The following SLIT3 variants were observed in gnomAD, a reference collection of about 807,000 sequenced individuals.
SLIT3 encodes the protein slit guidance ligand 3.
A neutral mutation model predicts 184.0 loss-of-function variants in SLIT3; 68 were observed. The observed-to-expected ratio is 0.37, with a 90% confidence interval of 0.30 to 0.45. The LOEUF (loss-of-function observed/expected upper bound fraction) is 0.45, where lower values mean the gene tolerates loss of function less well. Among genes scored for constraint, SLIT3 ranks in the 20% least tolerant of loss-of-function variants. The probability of loss-of-function intolerance (pLI) is 1.00; values close to 1 mark genes in which losing one functional copy is unlikely to be tolerated. For synonymous variants in SLIT3, 831 were observed against 828.6 expected (o/e 1.00, Z -0.05); for missense variants, 1,707 against 2,026.0 (o/e 0.84, Z 3.02).
intron 5 of SLIT3, among the ~76,000 whole-genome samples, chr5:168,850,956 C>T (rs1438048535): frequency 1.3e-5 from 2 of 152,180 alleles, no homozygotes; most frequent in East Asian, 3.8e-4. Flanking sequence ...TACATACTTT[C>T]CTGTATATTG....
intron 6 of SLIT3, among the ~76,000 whole-genome samples, chr5:168,827,388 C>G (rs1169065300): frequency 1.3e-5 from 2 of 152,236 alleles, no homozygotes; most frequent in African/African-American, 2.4e-5. Context: ...CGGCTCATGG[C>G]TGCTTCATTG....
chr5:169,150,610 C>T (rs567533812), intron 4 of SLIT3, among the ~76,000 whole-genome samples: 11 of 152,132 alleles, frequency 7.2e-5, no homozygotes, highest in Admixed American at 2.0e-4. Context: ...CTGTTTTAAT[C>T]GCCCTGGCCC....
chr5:169,172,801 G>T (rs763147556), intron 4 of SLIT3, among the ~76,000 whole-genome samples: 2 of 152,028 alleles, frequency 1.3e-5, no homozygotes, highest in African/African-American at 2.4e-5. Context: ...ACAATTCCCC[G>T]CTCACAAGTA....
At chr5:169,193,968 T>TCA (rs1763655522) in intron 3 of SLIT3, among the ~76,000 whole-genome samples, 3 of 152,068 alleles carry the variant, frequency 2.0e-5, no homozygotes, top group Non-Finnish European at 4.4e-5. Flanking sequence ...GCACGGTGGC[T>TCA]TACGCCTGTA....
rs150820663 is a variant in SLIT3, at chr5:169,157,561, C to A, written c.413+35918G>T. On this transcript the variant is annotated intron_variant, in intron 4 of 35. Coordinates refer to ENST00000519560, the MANE Select transcript of SLIT3 (RefSeq NM_003062.4). Reference sequence around the variant, plus strand: ...CCATAACAATGCAATGCCTCCCCTTCCCATGTCAGAGCAGTATCAAAAGCC... The same window carrying A: ...CCATAACAATGCAATGCCTCCCCTTACCATGTCAGAGCAGTATCAAAAGCC... Among the ~76,000 whole-genome samples, 37 of 152,292 alleles carry A rather than the reference C, an allele frequency of 2.4e-4. No individual in the cohort carries two copies. In the East Asian group the frequency reaches 6.4e-3, roughly 26 times the overall value.
At chr5:168,769,339 C>G (rs1009156575) in intron 14 of SLIT3, among the ~76,000 whole-genome samples, 5 of 152,184 alleles carry the variant, frequency 3.3e-5, no homozygotes, top group Admixed American at 3.3e-4. Context: ...GAAACTGGAG[C>G]TAAGGCTAAG....
chr5:168,921,760 C>T (rs1286832998), intron 4 of SLIT3, among the ~76,000 whole-genome samples: 1 of 152,158 alleles, frequency 6.6e-6, no homozygotes, highest in East Asian at 1.9e-4. Context: ...AACTGATTAT[C>T]ATAATGATGG....
At chr5:169,066,942 G>GAAAAA (rs60977256) in intron 4 of SLIT3, among the ~76,000 whole-genome samples, 122 of 80,166 alleles carry the variant, frequency 1.5e-3, no homozygotes, top group East Asian at 2.4e-3. Flanking sequence ...TCCCTTTCCT[G>GAAAAA]AAAAAAAAAA....
chr5:168,965,966 A>G (rs1763172404), intron 4 of SLIT3, among the ~76,000 whole-genome samples: 1 of 152,196 alleles, frequency 6.6e-6, no homozygotes, highest in African/African-American at 2.4e-5. Context: ...CTCAACAAGG[A>G]AAAATAAGCA....
chr5:168,881,047 C>T (rs1398715746), intron 5 of SLIT3, among the ~76,000 whole-genome samples: 2 of 152,150 alleles, frequency 1.3e-5, no homozygotes, highest in African/African-American at 4.8e-5. Context: ...TATTCAATTC[C>T]CCTTAGGTGT....
chr5:168,997,854 G>T (rs555025857), intron 4 of SLIT3, among the ~76,000 whole-genome samples: 1 of 152,108 alleles, frequency 6.6e-6, no homozygotes, highest in Non-Finnish European at 1.5e-5. Flanking sequence ...TTTGTCCTTG[G>T]CACTTCACAT....
At chr5:168,987,579 C>T (rs1205948155) in intron 4 of SLIT3, among the ~76,000 whole-genome samples, 3 of 152,216 alleles carry the variant, frequency 2.0e-5, no homozygotes, top group Non-Finnish European at 2.9e-5. Context: ...AACTGCTAAG[C>T]GTATTTATCA....
intron 4 of SLIT3, among the ~76,000 whole-genome samples, chr5:169,181,865 C>A (rs1471567658): frequency 6.6e-6 from 1 of 152,174 alleles, no homozygotes; most frequent in Admixed American, 6.5e-5. Context: ...TCCTTGTACT[C>A]TCTTGAAAAT....
At chr5:168,692,530 G>C (rs1761940251) in intron 29 of SLIT3, 77 bp downstream of exon 29, 1 of 907,582 alleles carries the variant, frequency 1.1e-6, no homozygotes. Flanking sequence ...AGAGAGACCA[G>C]AGACTGCCTA....
Position 168,916,797 on chromosome 5 carries a change from ATTC to A in SLIT3, c.414-33464_414-33462del, listed in dbSNP as rs1044526440. 3.9e-5 allele frequency among the ~76,000 whole-genome samples: 6 copies of A among 152,164 alleles called. No homozygotes were observed. In the South Asian group the frequency reaches 6.2e-4, roughly 16 times the overall value. The stretch of plus-strand genomic sequence containing the variant: ...TAATGTATTTCTCAGTCTTAAGGAG[ATTC>A]TTCTTCTTTTTTTCTCCTTCTTTCT... On this transcript the variant is annotated intron_variant, in intron 4 of 35. Transcript: ENST00000519560.
chr5:168,789,811 A>C, intron 10 of SLIT3, 180 bp from the exon 11 acceptor site: 2 of 574,068 alleles, frequency 3.5e-6, no homozygotes, highest in Non-Finnish European at 6.3e-6. Flanking sequence ...CAACTACCTC[A>C]TGATAAAGTG....
intron 8 of SLIT3, among the ~76,000 whole-genome samples, chr5:168,807,889 C>A (rs1025086151): frequency 6.6e-6 from 1 of 152,112 alleles, no homozygotes; most frequent in Non-Finnish European, 1.5e-5. Flanking sequence ...GAAGGTGGTG[C>A]GCTCTCCGCG....
intron 4 of SLIT3, among the ~76,000 whole-genome samples, chr5:168,926,149 T>G (rs1289069117): frequency 2.6e-5 from 4 of 151,212 alleles, no homozygotes; most frequent in African/African-American, 9.8e-5. Context: ...TGGGGAAAGG[T>G]GTGCACTACT....
At chr5:169,196,396 C>T (rs779453383) in intron 3 of SLIT3, among the ~76,000 whole-genome samples, 7 of 152,104 alleles carry the variant, frequency 4.6e-5, no homozygotes, top group African/African-American at 1.4e-4. Flanking sequence ...TTCAGATCTG[C>T]AAAATGGGTT....
Sources: allele counts gnomAD v4.1 joint callset (sites outside exome capture counted in the v4.1 genomes callset), GRCh38; gene constraint gnomAD v4.1.1; transcripts MANE v1.5; gene names NCBI Gene and HGNC (gene_info 2026-07-23, HGNC 2026-07-21).